The following CCDC69 variants were observed in gnomAD, a reference collection of about 807,000 sequenced individuals.
The protein encoded by CCDC69 is coiled-coil domain containing 69.
A neutral mutation model predicts 40.3 loss-of-function variants in CCDC69; 38 were observed. That is an observed-to-expected ratio of 0.94 (90% confidence interval 0.73 to 1.24). The LOEUF is 1.24. Among genes scored for constraint, CCDC69 ranks in the 50% most tolerant of loss-of-function variants. CCDC69 has a pLI of 0.00. For missense variants in CCDC69, 389 were observed against 357.9 expected (o/e 1.09, Z -0.70); for synonymous variants, 141 against 138.9 (o/e 1.02, Z -0.11).
intron 3 of CCDC69, 25 bp downstream of exon 3, chr5:151,201,557 A>G (rs1012787628): frequency 1.3e-6 from 2 of 1,504,676 alleles, no homozygotes; most frequent in South Asian, 2.3e-5. Flanking sequence ...GGAGAAAGAC[A>G]GGGGGTGGGG....
chr5:151,203,075 G>T (rs968428199), intron 2 of CCDC69, among the ~76,000 whole-genome samples: 1 of 152,106 alleles, frequency 6.6e-6, no homozygotes, highest in African/African-American at 2.4e-5. Flanking sequence ...CTACAGACGA[G>T]GAAGCTGAGG....
At position 151,195,755 on chromosome 5, in the gene CCDC69, C is replaced by T. The variant is rs559223675; in HGVS notation, c.319+3242G>A. 4.7e-5 allele frequency among the ~76,000 whole-genome samples: 7 copies of T among 149,362 alleles called. No individual in the cohort carries two copies. In the South Asian group the frequency reaches 1.5e-3, roughly 32 times the overall value. Reference sequence around the variant, plus strand: ...AAAAAAAAAACACGCACACTCACACCCACACACACACCCACACACACCCAC... The same window carrying T: ...AAAAAAAAAACACGCACACTCACACTCACACACACACCCACACACACCCAC... On this transcript the variant is annotated intron_variant, in intron 4 of 8. Transcript: ENST00000355417.
intron 1 of CCDC69, among the ~76,000 whole-genome samples, chr5:151,205,807 C>T (rs1272625201): frequency 2.0e-5 from 3 of 152,288 alleles, no homozygotes; most frequent in East Asian, 1.9e-4. Flanking sequence ...GGGATCTGGC[C>T]GGACCTGCTA....
intron 3 of CCDC69, among the ~76,000 whole-genome samples, chr5:151,201,103 T>C (rs1752769232): frequency 6.6e-6 from 1 of 152,188 alleles, no homozygotes; most frequent in Admixed American, 6.5e-5. Context: ...TTATCCAGGA[T>C]TATCCAGGGA....
In CCDC69 at chr5:151,205,400, C is replaced by T. The variant is rs1232481878; in HGVS notation, c.124G>A (p.Ala42Thr). 6.2e-7 allele frequency: 1 copy of T among 1,613,300 alleles called. No individual in the cohort carries two copies. The highest frequency in any genetic ancestry group is 8.5e-7 in the Non-Finnish European group (1 of 1,179,250). Reference sequence around the variant, plus strand: ...GGCCTTTGTGGGGCTGGCTACTCACCTGTGTCCCCATTGAGGGGACCTAAT... The same window carrying T: ...GGCCTTTGTGGGGCTGGCTACTCACTTGTGTCCCCATTGAGGGGACCTAAT... ...HELGPLNGDTAITVQLCASEE... is the reference protein window; with the variant it reads ...HELGPLNGDTTITVQLCASEE... Residue 42 changes from alanine (A) to threonine (T), a missense_variant and splice_region_variant, in exon 2 of 9, where the codon GCT becomes ACT. By Grantham distance (58) the Ala-to-Thr change is moderately conservative. Transcript: ENST00000355417.
chr5:151,182,998 G>A lies in CCDC69; in HGVS notation c.*439C>T, dbSNP rs1766665816. On this transcript the variant is annotated 3_prime_UTR_variant, in exon 9 of 9. Transcript: ENST00000355417. ...CACCATTTTAATGCAGGGGTAAACTGAGGCTCTGAGCAGGCCAGGGTGGAG... is the reference window on the plus strand; with the variant it reads ...CACCATTTTAATGCAGGGGTAAACTAAGGCTCTGAGCAGGCCAGGGTGGAG... 1 of 457,978 alleles carries A rather than the reference G, an allele frequency of 2.2e-6. No individual in the cohort carries two copies. The highest frequency in any genetic ancestry group is 2.0e-5 in the African/African-American group (1 of 50,160). The allele number at this position is 457,978 out of a possible 1,614,324, so 28.4% of individuals were successfully genotyped here.
chr5:151,194,846 C>T (rs547589492), intron 4 of CCDC69, among the ~76,000 whole-genome samples: 6 of 142,878 alleles, frequency 4.2e-5, no homozygotes, highest in African/African-American at 1.6e-4. Context: ...GAGCCGAGAT[C>T]ACGCCACTGC....
intron 4 of CCDC69, among the ~76,000 whole-genome samples, chr5:151,194,613 G>A (rs1356642664): frequency 1.3e-5 from 2 of 152,078 alleles, no homozygotes; most frequent in Admixed American, 6.6e-5. Context: ...CTATACATGC[G>A]GCAGGGCGCG....
In CCDC69 at chr5:151,206,977, G is replaced by A. The variant is rs925663779; in HGVS notation, c.49-1502C>T. On this transcript the variant is annotated intron_variant, in intron 1 of 8. Coordinates refer to ENST00000355417, the MANE Select transcript of CCDC69 (RefSeq NM_015621.3). ...GTCTTGCTCTGTTGCCCAGGCTGGAGTGCAATTGCGTGATTCTGGCTCACT... is the reference window on the plus strand; with the variant it reads ...GTCTTGCTCTGTTGCCCAGGCTGGAATGCAATTGCGTGATTCTGGCTCACT... Among the ~76,000 whole-genome samples the A allele has an allele frequency of 3.7e-4, 56 of 151,886 alleles. 1 individual carries two copies. The highest frequency in any genetic ancestry group is 1.3e-3 in the African/African-American group (52 of 41,294).
intron 4 of CCDC69, among the ~76,000 whole-genome samples, chr5:151,196,234 C>T (rs142678305): frequency 0.011 from 1,742 of 152,284 alleles, 36 homozygotes; most frequent in African/African-American, 0.041. Flanking sequence ...TCACTGCAAC[C>T]TCTGCCTCCC....
intron 4 of CCDC69, among the ~76,000 whole-genome samples, chr5:151,187,918 G>T (rs536949521): frequency 3.4e-4 from 52 of 152,248 alleles, no homozygotes; most frequent in African/African-American, 6.7e-4. Flanking sequence ...AATCCACCTG[G>T]TCCTGGCTCT....
chr5:151,218,541 T>A (rs1023962616), intron 1 of CCDC69, among the ~76,000 whole-genome samples: 2 of 152,198 alleles, frequency 1.3e-5, no homozygotes, highest in Non-Finnish European at 2.9e-5. Context: ...ATTCATGAAT[T>A]TCATACTGAG....
intron 4 of CCDC69, among the ~76,000 whole-genome samples, chr5:151,195,711 T>C (rs1582042548): frequency 1.2e-4 from 8 of 64,684 alleles, no homozygotes; most frequent in Admixed American, 8.4e-4. Flanking sequence ...AGAGTGAGAC[T>C]CCATCTCAAA....
At chr5:151,205,609 C>T in intron 1 of CCDC69, 134 bp from the exon 2 acceptor site, 1 of 723,336 alleles carries the variant, frequency 1.4e-6, no homozygotes, top group Non-Finnish European at 2.3e-6. Context: ...CACGCCTGCG[C>T]ATTGGGCTGC....
intron 7 of CCDC69, 161 bp from the exon 8 acceptor site, chr5:151,184,602 A>T: frequency 1.8e-6 from 1 of 560,398 alleles, no homozygotes; most frequent in South Asian, 2.5e-5. Context: ...AGTAAAACTA[A>T]AAAGTTAACA....
rs141429436 is a variant in CCDC69 at position 151,183,436 on chromosome 5, C to T, written c.*1G>A. ...GTCGTGGTGGGCCCAGGCCCTGCAC[C>T]CTATGTGGCGAGGAAAGAGACCTCA... On this transcript the variant is annotated 3_prime_UTR_variant, in exon 9 of 9. Coordinates refer to ENST00000355417, the MANE Select transcript of CCDC69 (RefSeq NM_015621.3). 4 of 1,599,598 alleles carry T rather than the reference C, an allele frequency of 2.5e-6. No individual in the cohort carries two copies. In the African/African-American group the frequency reaches 5.3e-5, roughly 21 times the overall value.
intron 1 of CCDC69, among the ~76,000 whole-genome samples, chr5:151,209,725 G>T (rs1483788659): frequency 1.3e-5 from 2 of 151,998 alleles, no homozygotes; most frequent in South Asian, 4.2e-4. Context: ...GACTACAGGC[G>T]TGTGCTACCA....
intron 6 of CCDC69, 139 bp downstream of exon 6, chr5:151,185,884 T>G: frequency 1.5e-6 from 1 of 659,856 alleles, no homozygotes; most frequent in Non-Finnish European, 2.7e-6. Flanking sequence ...ATGGGAACTC[T>G]TTTATTTCCA....
chr5:151,221,460 G>C lies in CCDC69; in HGVS notation c.48+2463C>G, dbSNP rs148856716. 1.1e-3 allele frequency among the ~76,000 whole-genome samples: 172 copies of C among 152,268 alleles called. 1 individual carries two copies. Among genetic ancestry groups the C allele is most frequent in the African/African-American group, 3.9e-3 (164 of 41,538 alleles). On this transcript the variant is annotated intron_variant, in intron 1 of 8. Coordinates refer to ENST00000355417, the MANE Select transcript of CCDC69 (RefSeq NM_015621.3). Reference sequence around the variant, plus strand: ...CAAGGCTAGATGTGATGCTCCTACTGCTCCCTGGGCCAACCCCTAGCATGG... The same window carrying C: ...CAAGGCTAGATGTGATGCTCCTACTCCTCCCTGGGCCAACCCCTAGCATGG...
Sources: allele counts gnomAD v4.1 joint callset (sites outside exome capture counted in the v4.1 genomes callset), GRCh38; gene constraint gnomAD v4.1.1; transcripts MANE v1.5; gene names NCBI Gene and HGNC (gene_info 2026-07-23, HGNC 2026-07-21).